Variants in KANSL1L observed in about 807,000 individuals in gnomAD.
KANSL1L encodes KAT8 regulatory NSL complex subunit 1-like protein.
Under a neutral mutation model 108.6 loss-of-function variants are expected in KANSL1L, and 25 were observed. That is an observed-to-expected ratio of 0.23 (90% CI 0.17 to 0.32). The LOEUF is 0.32. Ranked by LOEUF, KANSL1L falls within the 10% of genes least tolerant of loss-of-function variation. The pLI is 1.00. For synonymous variants in KANSL1L, 405 were observed against 395.1 expected, an observed-to-expected ratio of 1.03 and a Z score of -0.30; for missense variants, 1,137 against 1,125.7, an observed-to-expected ratio of 1.01 and a Z score of -0.14.
At position 210,021,814 on chromosome 2, in the gene KANSL1L, C is replaced by T. The variant is rs2093860950; in HGVS notation, c.*1135G>A. ...AATAGCTTCAAAAGGAATTTTCTTT[C>T]ATGTATACTCTTCAGTATCCAATAT... On this transcript the variant is annotated 3_prime_UTR_variant, in exon 15 of 15. Coordinates refer to ENST00000281772, the MANE Select transcript of KANSL1L (RefSeq NM_152519.4). The T allele has an allele frequency of 6.6e-6, 1 of 151,388 alleles. No individual in the cohort carries two copies. The highest frequency in any genetic ancestry group is 1.5e-5 in the Non-Finnish European group (1 of 67,804). 9.4% of individuals were successfully genotyped at this position (151,388 alleles called of 1,614,324 possible).
intron 6 of KANSL1L, 64 bp downstream of exon 6, chr2:210,075,488 C>T (rs374927816): frequency 1.9e-6 from 2 of 1,047,900 alleles, no homozygotes; most frequent in Non-Finnish European, 3.0e-6. Flanking sequence ...TCTACATCTT[C>T]TCATGCATGA....
intron 5 of KANSL1L, among the ~76,000 whole-genome samples, chr2:210,077,361 G>A (rs1333718900): frequency 6.6e-6 from 1 of 152,128 alleles, no homozygotes; most frequent in East Asian, 1.9e-4. Flanking sequence ...GGCTAGGAAA[G>A]ATTTAGGGTA....
chr2:210,084,145 G>A (rs1055253717), intron 5 of KANSL1L, among the ~76,000 whole-genome samples: 5 of 152,050 alleles, frequency 3.3e-5, no homozygotes, highest in Admixed American at 1.3e-4. Flanking sequence ...ATTAAGGCTG[G>A]GCGCAGTGGC....
intron 9 of KANSL1L, 155 bp downstream of exon 9, chr2:210,031,266 C>G (rs1029618382): frequency 3.6e-6 from 2 of 552,550 alleles, no homozygotes; most frequent in East Asian, 3.3e-5. Context: ...TCTAAATTAA[C>G]TACGAATATG....
intron 1 of KANSL1L, among the ~76,000 whole-genome samples, chr2:210,155,005 C>T (rs1247855000): frequency 6.6e-6 from 1 of 151,978 alleles, no homozygotes; most frequent in Non-Finnish European, 1.5e-5. Context: ...ATAAGAATTG[C>T]TTATCTTTAT....
chr2:210,082,185 G>A (rs2094595915), intron 5 of KANSL1L, among the ~76,000 whole-genome samples: 1 of 152,162 alleles, frequency 6.6e-6, no homozygotes, highest in Non-Finnish European at 1.5e-5. Flanking sequence ...TTCCGTCTCA[G>A]CCTCCCAAAG....
chr2:210,022,952 C>G lies in KANSL1L; in HGVS notation c.2961G>C (p.Arg987Ser). Residue 987 changes from arginine (R) to serine (S), a missense_variant, in exon 15 of 15, where the codon AGG (arginine) becomes AGC (serine). This residue lies in a region of KANSL1L where 575 missense variants were observed against 567.1 expected (regional missense o/e 1.01). Coordinates refer to ENST00000281772, the MANE Select transcript of KANSL1L (RefSeq NM_152519.4). The stretch of plus-strand genomic sequence containing the variant: ...AGTTTTCTTAACCTGTTCCCTGTCA[C>G]CTATTTTTTTTAACATTAGTAAGTC... ...GLGLTNVKKN[R>S] 6.2e-7 allele frequency: 1 copy of G among 1,602,800 alleles called. No homozygotes were observed. Among genetic ancestry groups the G allele is most frequent in the East Asian group, 2.2e-5 (1 of 44,804 alleles).
At chr2:210,111,711 CT>C (rs558766388) in intron 3 of KANSL1L, among the ~76,000 whole-genome samples, 1 of 150,712 alleles carries the variant, frequency 6.6e-6, no homozygotes, top group Non-Finnish European at 1.5e-5. Flanking sequence ...CTTTTTTTTT[CT>C]TTTTTTTAAC....
intron 2 of KANSL1L, among the ~76,000 whole-genome samples, chr2:210,148,166 A>AAG (rs2095278495): frequency 6.6e-6 from 1 of 152,174 alleles, no homozygotes; most frequent in South Asian, 2.1e-4. Context: ...CATTTGAAAC[A>AAG]ATTGTGTGAT....
At chr2:210,052,116 A>G (rs2094299843) in intron 6 of KANSL1L, among the ~76,000 whole-genome samples, 1 of 148,462 alleles carries the variant, frequency 6.7e-6, no homozygotes, top group Non-Finnish European at 1.5e-5. Context: ...CAATCCTCCC[A>G]CCTTATCCTC....
chr2:210,032,008 G>A (rs988839511), intron 8 of KANSL1L, among the ~76,000 whole-genome samples: 15 of 152,158 alleles, frequency 9.9e-5, no homozygotes, highest in African/African-American at 2.9e-4. Flanking sequence ...CAGCGACCTT[G>A]GATAATGATT....
In KANSL1L at chr2:210,133,355, C is replaced by T. The variant is rs1011407782; in HGVS notation, c.1089-4183G>A. On this transcript the variant is annotated intron_variant, in intron 2 of 14. Coordinates refer to ENST00000281772, the MANE Select transcript of KANSL1L (RefSeq NM_152519.4). The stretch of plus-strand genomic sequence containing the variant: ...TTGCATTATTTTATATTTTTCTTGG[C>T]TATTTCCATTTATAGTTAGTTGATA... Among the ~76,000 whole-genome samples, 4 of 151,816 alleles carry T rather than the reference C, an allele frequency of 2.6e-5. No homozygotes were observed. In the East Asian group the frequency reaches 7.7e-4, roughly 29 times the overall value.
chr2:210,023,989 A>G lies in KANSL1L; in HGVS notation c.2733+44T>C, dbSNP rs749678412. ...AAGTAGTTTCTACAAACAAGTAGTT[A>G]AAAGTCAAGGAATGGGAAGTTTAAT... On this transcript the variant is annotated intron_variant, in intron 14 of 14. Coordinates refer to ENST00000281772, the MANE Select transcript of KANSL1L (RefSeq NM_152519.4). 4 of 1,341,638 alleles carry G rather than the reference A, an allele frequency of 3.0e-6. No individual in the cohort carries two copies. In the African/African-American group the frequency reaches 4.5e-5, roughly 15 times the overall value. 83.1% of individuals were successfully genotyped at this position (1,341,638 alleles called of 1,614,324 possible).
At position 210,044,123 on chromosome 2, in the gene KANSL1L, T is replaced by G; in HGVS notation, c.1756-19A>C. On this transcript the variant is annotated intron_variant, in intron 6 of 14. Coordinates refer to ENST00000281772, the MANE Select transcript of KANSL1L (RefSeq NM_152519.4). This position sits in a 1 kb window ranked among gnomAD's most constrained non-coding sequence, Gnocchi z 4.2. ...GCAAAGTCTGCAAGGAAAAACCGTA[T>G]TAGAATATCACAGCCAAAGCATCCA... 1 of 1,546,136 alleles carries G rather than the reference T, an allele frequency of 6.5e-7. No homozygotes were observed. Among genetic ancestry groups the G allele is most frequent in the Non-Finnish European group, 8.7e-7 (1 of 1,143,994 alleles).
intron 2 of KANSL1L, among the ~76,000 whole-genome samples, chr2:210,150,731 G>A (rs191523583): frequency 9.2e-4 from 139 of 150,426 alleles, no homozygotes; most frequent in African/African-American, 3.2e-3. Context: ...GCAGTGAGCC[G>A]AGATCGTGCC....
chr2:210,050,417 A>G (rs2094277732), intron 6 of KANSL1L, among the ~76,000 whole-genome samples: 1 of 152,210 alleles, frequency 6.6e-6, no homozygotes, highest in Non-Finnish European at 1.5e-5. Flanking sequence ...AACATCCACA[A>G]GAAAACCACT....
chr2:210,170,809 G>A (rs1379633941), intron 1 of KANSL1L, among the ~76,000 whole-genome samples: 1 of 152,124 alleles, frequency 6.6e-6, no homozygotes, highest in East Asian at 1.9e-4. Context: ...CTGCGCACGC[G>A]CCAGCCAAAA....
At chr2:210,089,064 A>T (rs2094667164) in intron 5 of KANSL1L, 1 of 156,902 alleles carries the variant, frequency 6.4e-6, no homozygotes, top group Non-Finnish European at 1.4e-5. Context: ...GGGTGTCCTA[A>T]ATTTCTTAAG....
rs116140339 is a variant in KANSL1L at position 210,037,268 on chromosome 2, C to A, written c.2029+3152G>T. On this transcript the variant is annotated intron_variant, in intron 8 of 14. Transcript: ENST00000281772. The stretch of plus-strand genomic sequence containing the variant: ...ATTACTTTTTCAGATGGTTATATAA[C>A]ATTCCGTGATTAGAAACAATGTTCT... Among the ~76,000 whole-genome samples the A allele has an allele frequency of 9.4e-3, 1,425 of 152,188 alleles. 22 individuals carry two copies. Among genetic ancestry groups the A allele is most frequent in the African/African-American group, 0.029 (1,224 of 41,518 alleles).
Sources: allele counts gnomAD v4.1 joint callset (sites outside exome capture counted in the v4.1 genomes callset), GRCh38; gene constraint gnomAD v4.1.1; regional missense constraint gnomAD v4.1.1; non-coding constraint Gnocchi (gnomAD v3.1); transcripts MANE v1.5; gene names NCBI Gene and HGNC (gene_info 2026-07-23, HGNC 2026-07-21).